The following NGEF variants were observed in gnomAD, a reference collection of about 807,000 sequenced individuals.
NGEF encodes neuronal guanine nucleotide exchange factor.
A neutral mutation model predicts 80.9 loss-of-function variants in NGEF; 31 were observed. The observed-to-expected ratio is 0.38, with a 90% CI of 0.29 to 0.52. The LOEUF is 0.52. Among genes scored for constraint, NGEF ranks in the 20% least tolerant of loss-of-function variants. The probability of loss-of-function intolerance (pLI) is 0.84; values close to 1 mark genes in which losing one functional copy is unlikely to be tolerated. For missense variants in NGEF, 709 were observed against 926.2 expected (o/e 0.77, Z 3.04); for synonymous variants, 371 against 370.2 (o/e 1.00, Z -0.03).
chr2:232,981,704 A>G (rs11682699), intron 1 of NGEF, among the ~76,000 whole-genome samples: 46,514 of 151,978 alleles, frequency 0.31, 7,260 homozygotes, highest in Non-Finnish European at 0.33. Context: ...CTGCCAAATT[A>G]TCCTTAAAAA....
At chr2:232,986,509 A>T (rs1694534622) in intron 1 of NGEF, among the ~76,000 whole-genome samples, 1 of 152,256 alleles carries the variant, frequency 6.6e-6, no homozygotes, top group South Asian at 2.1e-4. Flanking sequence ...ATGTGGTGGA[A>T]TATCATTCAG....
intron 2 of NGEF, among the ~76,000 whole-genome samples, chr2:232,970,956 T>C (rs574500855): frequency 9.8e-5 from 15 of 152,342 alleles, no homozygotes; most frequent in Admixed American, 3.9e-4. Context: ...ATTGGTGTTA[T>C]TTCTACTGGT....
At chr2:232,991,513 A>C (rs1259909999) in intron 1 of NGEF, among the ~76,000 whole-genome samples, 2 of 152,136 alleles carry the variant, frequency 1.3e-5, no homozygotes, top group Non-Finnish European at 2.9e-5. Flanking sequence ...AAAAAGAATA[A>C]AGTACTTAGG....
intron 1 of NGEF, among the ~76,000 whole-genome samples, chr2:232,998,340 G>A (rs1001219277): frequency 6.6e-6 from 1 of 152,182 alleles, no homozygotes; most frequent in Admixed American, 6.5e-5. Flanking sequence ...GGCTCTTCCA[G>A]GTCCCAGAAG....
intron 1 of NGEF, among the ~76,000 whole-genome samples, chr2:233,010,781 A>T (rs1440637277): frequency 2.0e-5 from 3 of 152,120 alleles, no homozygotes; most frequent in Admixed American, 2.0e-4. Context: ...TGGCTGCCAA[A>T]CAAAGGGAGG....
chr2:232,884,529 GTGTC>G (rs1273296631), intron 10 of NGEF, among the ~76,000 whole-genome samples: 1 of 152,222 alleles, frequency 6.6e-6, no homozygotes, highest in African/African-American at 2.4e-5. Context: ...GTGGCAGCTA[GTGTC>G]TGTCATCATT....
chr2:232,900,623 C>A (rs1387758993), intron 5 of NGEF, among the ~76,000 whole-genome samples: 2 of 149,300 alleles, frequency 1.3e-5, no homozygotes, highest in Non-Finnish European at 3.0e-5. Context: ...TACACACACG[C>A]TCTCACAGTC....
intron 1 of NGEF, among the ~76,000 whole-genome samples, chr2:232,978,237 G>A (rs35837955): frequency 0.25 from 37,814 of 151,674 alleles, 5,300 homozygotes; most frequent in East Asian, 0.59. Context: ...AAAACTTGAG[G>A]GGCTGGGCAT....
chr2:232,889,366 G>A (rs751811607), intron 8 of NGEF, among the ~76,000 whole-genome samples: 1 of 152,168 alleles, frequency 6.6e-6, no homozygotes, highest in Non-Finnish European at 1.5e-5. Context: ...CATGCTGCCT[G>A]ATGTGGAGAC....
At chr2:233,001,729 G>T (rs964366056) in intron 1 of NGEF, among the ~76,000 whole-genome samples, 1 of 152,126 alleles carries the variant, frequency 6.6e-6, no homozygotes, top group African/African-American at 2.4e-5. Context: ...AAATACAAAA[G>T]TTAGCCAGGT....
intron 5 of NGEF, among the ~76,000 whole-genome samples, chr2:232,906,826 G>T (rs1692569061): frequency 6.6e-6 from 1 of 151,836 alleles, no homozygotes; most frequent in Non-Finnish European, 1.5e-5. Context: ...TTTTCATTTT[G>T]TTCTGTACTA....
At chr2:232,907,675 T>C (rs919195625) in intron 5 of NGEF, among the ~76,000 whole-genome samples, 4 of 113,686 alleles carry the variant, frequency 3.5e-5, no homozygotes, top group Admixed American at 3.0e-4. Context: ...TTTGCAAACA[T>C]GCATAAAAGA....
At chr2:233,008,607 T>A (rs1695137969) in intron 1 of NGEF, among the ~76,000 whole-genome samples, 1 of 152,200 alleles carries the variant, frequency 6.6e-6, no homozygotes, top group African/African-American at 2.4e-5. Flanking sequence ...CCTCTGTGGT[T>A]CCCAAGCTTC....
chr2:232,994,389 G>T (rs1417115900), intron 1 of NGEF, among the ~76,000 whole-genome samples: 3 of 136,880 alleles, frequency 2.2e-5, no homozygotes, highest in South Asian at 4.7e-4. Context: ...AAAAAAAAAA[G>T]ATATTAAAAA....
At chr2:232,928,731 C>T (rs1241808967) in intron 3 of NGEF, among the ~76,000 whole-genome samples, 1 of 152,194 alleles carries the variant, frequency 6.6e-6, no homozygotes, top group South Asian at 2.1e-4. Flanking sequence ...GGACGAGCCA[C>T]GCTCAGCTAC....
chr2:232,890,521 C>G (rs1691848054), intron 8 of NGEF, among the ~76,000 whole-genome samples: 1 of 152,196 alleles, frequency 6.6e-6, no homozygotes, highest in South Asian at 2.1e-4. Context: ...TGACACTGAA[C>G]TGTCCAAAGT....
intron 5 of NGEF, among the ~76,000 whole-genome samples, chr2:232,899,187 ATGTGTGTGAATGAGAGTATGTGACTG>A (rs1326937315): frequency 1.3e-5 from 2 of 151,404 alleles, no homozygotes; most frequent in African/African-American, 2.4e-5. Flanking sequence ...GTGAGTGTGA[ATGTGTGTGAATGAGAGTATGTGACTG>A]TGTGTGTGAA....
chr2:232,921,178 AG>A (rs2106277158), intron 4 of NGEF, among the ~76,000 whole-genome samples: 1 of 152,316 alleles, frequency 6.6e-6, no homozygotes, highest in South Asian at 2.1e-4. Flanking sequence ...TTGGGGGCGC[AG>A]CTGAATCAGC....
chr2:232,952,086 T>C (rs1010011074), intron 3 of NGEF, among the ~76,000 whole-genome samples: 5 of 152,218 alleles, frequency 3.3e-5, no homozygotes, highest in East Asian at 1.9e-4. Context: ...CTTCAAGCCG[T>C]CTTAGCAGGG....
Sources: allele counts gnomAD v4.1 joint callset (sites outside exome capture counted in the v4.1 genomes callset), GRCh38; gene constraint gnomAD v4.1.1; transcripts MANE v1.5; gene names NCBI Gene and HGNC (gene_info 2026-07-23, HGNC 2026-07-21).